Variants in SMC3 observed in about 807,000 individuals in gnomAD.
SMC3 encodes structural maintenance of chromosomes protein 3.
In SMC3, 20 loss-of-function variants were observed where a neutral mutation model predicts 171.8. That is an observed-to-expected ratio of 0.12 (90% CI 0.08 to 0.17). SMC3 has a LOEUF of 0.17. SMC3 is among the 10% of genes least tolerant of loss of function. The probability of loss-of-function intolerance (pLI) is 1.00; values close to 1 mark genes in which losing one functional copy is unlikely to be tolerated. For synonymous variants in SMC3, 464 were observed against 451.1 expected, an observed-to-expected ratio of 1.03 and a Z score of -0.36; for missense variants, 543 against 1,420.4, an observed-to-expected ratio of 0.38 and a Z score of 9.93.
chr10:110,567,973 G>A, intron 1 of SMC3, 142 bp downstream of exon 1: 1 of 1,046,602 alleles, frequency 9.6e-7, no homozygotes. Context: ...GGGGAGGAGG[G>A]AGACCCGGGT....
chr10:110,575,991 C>T (rs975557849), intron 4 of SMC3, among the ~76,000 whole-genome samples: 1 of 152,130 alleles, frequency 6.6e-6, no homozygotes, highest in African/African-American at 2.4e-5. Context: ...CATATTTGTA[C>T]TTAGATAGTA....
At chr10:110,596,269 C>T in intron 18 of SMC3, 129 bp from the exon 19 acceptor site, 2 of 704,486 alleles carry the variant, frequency 2.8e-6, no homozygotes, top group South Asian at 2.9e-5. Context: ...AAAATTTTTT[C>T]AGGGTGGTTT....
At chr10:110,587,707 G>A (rs868002756) in intron 13 of SMC3, among the ~76,000 whole-genome samples, 334 of 143,088 alleles carry the variant, frequency 2.3e-3, no homozygotes, top group Non-Finnish European at 3.8e-3. Context: ...AAAAAAAAAA[G>A]AAATATTGTA....
In SMC3 at chr10:110,583,827, T is replaced by C. The variant is rs200511874; in HGVS notation, c.970-14T>C. The C allele has an allele frequency of 7.8e-5, 125 of 1,611,364 alleles. No individual in the cohort carries two copies. Among genetic ancestry groups the C allele is most frequent in the Middle Eastern group, 3.3e-4 (2 of 6,068 alleles). ...AAAAATTTAAAGCAGTTTGCATTTT[T>C]ACTTTGTTTACAGAAACGTTTATTA... is the stretch of plus-strand genomic sequence containing the variant. On this transcript the variant is annotated splice_polypyrimidine_tract_variant and intron_variant, in intron 11 of 28. Transcript: ENST00000361804.
rs760559232 is a variant in SMC3 at position 110,604,349 on chromosome 10, A to G, written c.*47A>G. ...TTTGGGAGATGTATATAGTAATATGATTCTCATACCCAGGAACTGTAAATT... is the reference window on the plus strand; with the variant it reads ...TTTGGGAGATGTATATAGTAATATGGTTCTCATACCCAGGAACTGTAAATT... On this transcript the variant is annotated 3_prime_UTR_variant, in exon 29 of 29. Coordinates refer to ENST00000361804, the MANE Select transcript of SMC3 (RefSeq NM_005445.4). 15 of 1,316,614 alleles carry G rather than the reference A, an allele frequency of 1.1e-5. No individual in the cohort carries two copies. The highest frequency in any genetic ancestry group is 1.5e-5 in the Non-Finnish European group (14 of 911,066). The allele number at this position is 1,316,614 out of a possible 1,614,324, so 81.6% of individuals were successfully genotyped here.
chr10:110,568,226 C>T, intron 1 of SMC3: 1 of 290,328 alleles, frequency 3.4e-6, no homozygotes, highest in Non-Finnish European at 6.5e-6. Context: ...TCACACGGCC[C>T]ATGTGCCTGG....
intron 13 of SMC3, among the ~76,000 whole-genome samples, chr10:110,584,625 A>G (rs1304540383): frequency 6.6e-6 from 1 of 152,128 alleles, no homozygotes; most frequent in Non-Finnish European, 1.5e-5. Flanking sequence ...AAATGTATGT[A>G]TGTATTTTTA....
intron 2 of SMC3, among the ~76,000 whole-genome samples, chr10:110,569,630 GA>G (rs113073452): frequency 3.6e-4 from 54 of 149,634 alleles, no homozygotes; most frequent in African/African-American, 7.8e-4. Flanking sequence ...TAACAACAAC[GA>G]AAAAAAAAAT....
In SMC3 at chr10:110,599,714, T is replaced by C. The variant is rs76625999; in HGVS notation, c.2329T>C (p.Leu777=). ...LHAMESTRES[L]KAELGTDLLS... is the part of the protein sequence containing the mutation. Reference sequence around the variant, plus strand: ...TGCTATGGAGTCTACCAGAGAGTCATTGAAAGCAGAACTGGGAACTGATTT... The same window carrying C: ...TGCTATGGAGTCTACCAGAGAGTCACTGAAAGCAGAACTGGGAACTGATTT... Residue 777 remains leucine (L), a synonymous_variant, in exon 21 of 29, where the codon TTG becomes CTG. Transcript: ENST00000361804. 2.1e-3 allele frequency: 3,352 copies of C among 1,614,104 alleles called. 7 individuals are homozygous for C. The highest frequency in any genetic ancestry group is 2.6e-3 in the Non-Finnish European group (3,012 of 1,179,952).
chr10:110,569,491 G>A (rs538256512), intron 2 of SMC3, among the ~76,000 whole-genome samples: 214 of 152,210 alleles, frequency 1.4e-3, no homozygotes, highest in African/African-American at 4.9e-3. Flanking sequence ...AGGGGGGTGG[G>A]GGCCTGGGGG....
chr10:110,569,043 T>C, intron 2 of SMC3, 30 bp downstream of exon 2: 2 of 1,311,200 alleles, frequency 1.5e-6, no homozygotes, highest in Non-Finnish European at 2.2e-6. Context: ...TCGGTCATAT[T>C]TATAGTCTAT....
chr10:110,585,929 C>G lies in SMC3; in HGVS notation c.1305+1533C>G, dbSNP rs534591714. Among the ~76,000 whole-genome samples, 3 of 152,212 alleles carry G rather than the reference C, an allele frequency of 2.0e-5. No individual in the cohort carries two copies. The East Asian group carries it at 5.8e-4, about 29-fold the overall frequency. ...TCTCCTGCGTCAGCCTCCCAAGTAG[C>G]TGGGACCACAGGCACATGCCACCAC... is the stretch of plus-strand genomic sequence containing the variant. On this transcript the variant is annotated intron_variant, in intron 13 of 28. Coordinates refer to ENST00000361804, the MANE Select transcript of SMC3 (RefSeq NM_005445.4).
At chr10:110,589,164 C>T (rs966989131) in intron 13 of SMC3, among the ~76,000 whole-genome samples, 4 of 151,834 alleles carry the variant, frequency 2.6e-5, no homozygotes, top group African/African-American at 7.3e-5. Flanking sequence ...CCGAGACGGG[C>T]GGATCATGAG....
At chr10:110,588,482 A>G (rs1358478753) in intron 13 of SMC3, among the ~76,000 whole-genome samples, 1 of 152,228 alleles carries the variant, frequency 6.6e-6, no homozygotes, top group African/African-American at 2.4e-5. Context: ...ATACAAACAG[A>G]TGAATGTAAT....
chr10:110,590,413 C>T lies in SMC3; in HGVS notation c.1511C>T (p.Ala504Val), dbSNP rs1283003337. The T allele has an allele frequency of 1.2e-6, 2 of 1,613,144 alleles. No homozygotes were observed. Among genetic ancestry groups the T allele is most frequent in the Non-Finnish European group, 1.7e-6 (2 of 1,179,220 alleles). Reference sequence around the variant, plus strand: ...TTTTTCATTTCTGACAACTTACAGGCCATTTTAAATGGAATAGACAGCATA... The same window carrying T: ...TTTTTCATTTCTGACAACTTACAGGTCATTTTAAATGGAATAGACAGCATA... ...QQLLRAATGK[A>V]ILNGIDSINK... The change falls in exon 16 of 29, where the codon GCC becomes GTC. Residue 504 changes from alanine to valine, a missense_variant and splice_region_variant. Physicochemically the swap from Ala to Val is moderately conservative, Grantham distance 64. This residue lies in a region of SMC3 where 218 missense variants were observed against 509.6 expected (regional missense o/e 0.43). Coordinates refer to ENST00000361804, the MANE Select transcript of SMC3 (RefSeq NM_005445.4).
At chr10:110,594,206 T>TTA (rs1861257789) in intron 18 of SMC3, among the ~76,000 whole-genome samples, 2 of 149,558 alleles carry the variant, frequency 1.3e-5, no homozygotes, top group African/African-American at 2.5e-5. Context: ...TTTAAATTTA[T>TTA]TTTTTTTTTA....
chr10:110,600,961 C>G, intron 22 of SMC3, 61 bp from the exon 23 acceptor site: 1 of 1,167,564 alleles, frequency 8.6e-7, no homozygotes, highest in Non-Finnish European at 1.3e-6. Flanking sequence ...AGACAATAGC[C>G]ATAGAAAATG....
At chr10:110,587,502 G>A (rs567009427) in intron 13 of SMC3, among the ~76,000 whole-genome samples, 3 of 152,154 alleles carry the variant, frequency 2.0e-5, no homozygotes, top group African/African-American at 4.8e-5. Flanking sequence ...TGGCTAACAC[G>A]GTGAAACCAC....
rs753828755 is a variant in SMC3, at chr10:110,567,777, C to T, written c.-40C>T. ...TGACCCTGCGGCCGTGCGGTTGCTG[C>T]TCCGGGGCAGGTCTCCTTCCAGGCC... is the stretch of plus-strand genomic sequence containing the variant. On this transcript the variant is annotated 5_prime_UTR_variant, in exon 1 of 29. Transcript: ENST00000361804. 1.2e-6 allele frequency: 2 copies of T among 1,613,166 alleles called. No individual in the cohort carries two copies. Among genetic ancestry groups the T allele is most frequent in the South Asian group, 1.1e-5 (1 of 91,072 alleles).
Sources: gnomAD v4.1 joint callset for allele counts (sites outside exome capture counted in the v4.1 genomes callset) on GRCh38, gnomAD v4.1.1 for gene constraint, gnomAD v4.1.1 regional missense constraint, MANE v1.5 for transcripts, NCBI Gene and HGNC (gene_info 2026-07-23, HGNC 2026-07-21) for gene names.